Variants in EVI5L observed in about 807,000 individuals in gnomAD.
The protein encoded by EVI5L is EVI5-like protein.
EVI5L carries 30 observed loss-of-function variants against 106.1 expected under a neutral mutation model. That is an observed-to-expected ratio of 0.28 (90% confidence interval 0.21 to 0.38). The LOEUF (loss-of-function observed/expected upper bound fraction) is 0.38. EVI5L is among the 10% of genes least tolerant of loss of function. The pLI, the probability that EVI5L is intolerant of heterozygous loss-of-function variation, is 1.00. For synonymous variants in EVI5L, 489 were observed against 483.3 expected (o/e 1.01, Z -0.15); for missense variants, 809 against 1,098.0 (o/e 0.74, Z 3.72).
chr19:7,846,692 C>T lies in EVI5L; in HGVS notation c.137+13C>T. ...AAGAGCAGAACCGGTGAGTTGGGGG[C>T]TGGGGGATGGGGTGAAATCTTGGGG... On this transcript the variant is annotated intron_variant, in intron 2 of 19. Transcript: ENST00000538904. 3 of 1,609,526 alleles carry T rather than the reference C, an allele frequency of 1.9e-6. No homozygotes were observed. The highest frequency in any genetic ancestry group is 1.7e-5 in the Admixed American group (1 of 59,100).
At position 7,848,711 on chromosome 19, in the gene EVI5L, G is replaced by C. The variant is rs1979082273; in HGVS notation, c.328-210G>C. Among the ~76,000 whole-genome samples the C allele has an allele frequency of 6.6e-6, 1 of 152,198 alleles. No homozygotes were observed. Among genetic ancestry groups the C allele is most frequent in the African/African-American group, 2.4e-5 (1 of 41,450 alleles). On this transcript the variant is annotated intron_variant, in intron 3 of 19. Transcript: ENST00000538904. The surrounding 1 kb of genome is among the most constrained non-coding windows in gnomAD (Gnocchi z 4.8). ...TTGAGCCCAGGAGTTCAAGGCTGCA[G>C]GGAGCTATGATCGCACCACTGCACT...
chr19:7,855,941 A>G, intron 10 of EVI5L, 74 bp from the exon 11 acceptor site: 1 of 1,267,836 alleles, frequency 7.9e-7, no homozygotes, highest in East Asian at 2.8e-5. Context: ...TGACCCCGGC[A>G]GTGGGTAAAT....
At position 7,863,003 on chromosome 19, in the gene EVI5L, G is replaced by A. The variant is rs867700669; in HGVS notation, c.1979G>A (p.Arg660Gln). The change falls in exon 18 of 20, where the codon CGG (arginine) becomes CAG (glutamine). Residue 660 changes from arginine to glutamine, a missense_variant. Transcript: ENST00000538904. This position sits in a 1 kb window ranked among gnomAD's most constrained non-coding sequence, Gnocchi z 7.7. ...SKEEVMAVRL[R>Q]EADSMAAVAE... Reference sequence around the variant, plus strand: ...GAGGAGGTGATGGCTGTGCGACTGCGGGAGGCGGACAGCATGGCTGCGGTG... The same window carrying A: ...GAGGAGGTGATGGCTGTGCGACTGCAGGAGGCGGACAGCATGGCTGCGGTG... 1 of 1,579,866 alleles carries A rather than the reference G, an allele frequency of 6.3e-7. No individual in the cohort carries two copies. The highest frequency in any genetic ancestry group is 8.5e-7 in the Non-Finnish European group (1 of 1,170,960).
In EVI5L at chr19:7,853,068, C is replaced by A. The variant is rs1285061736; in HGVS notation, c.988-18C>A. On this transcript the variant is annotated intron_variant, in intron 8 of 19. Coordinates refer to ENST00000538904, the MANE Select transcript of EVI5L (RefSeq NM_001159944.3). ...GGCCTGCATGTTGGTGACCAGGTGA[C>A]CGGCTGTGTCCCCACAGTACTTCCA... 6.2e-7 allele frequency: 1 copy of A among 1,613,386 alleles called. No individual in the cohort carries two copies. Among genetic ancestry groups the A allele is most frequent in the South Asian group, 1.1e-5 (1 of 91,086 alleles).
intron 1 of EVI5L, among the ~76,000 whole-genome samples, chr19:7,832,452 T>G (rs1978297592): frequency 6.6e-6 from 1 of 152,186 alleles, no homozygotes; most frequent in Non-Finnish European, 1.5e-5. Flanking sequence ...AAAAGCTCAT[T>G]GCGGCTCAGT....
Position 7,856,353 on chromosome 19 carries a change from C to T in EVI5L, c.1200+285C>T, listed in dbSNP as rs554089696. 7.9e-5 allele frequency among the ~76,000 whole-genome samples: 12 copies of T among 152,120 alleles called. No individual in the cohort carries two copies. The highest frequency in any genetic ancestry group is 2.0e-4 in the Admixed American group (3 of 15,276). On this transcript the variant is annotated intron_variant, in intron 11 of 19. Coordinates refer to ENST00000538904, the MANE Select transcript of EVI5L (RefSeq NM_001159944.3). The surrounding 1 kb of genome is among the most constrained non-coding windows in gnomAD (Gnocchi z 6.6). ...TCTGTGCCCTCCCCGGCTGCACAGA[C>T]GGGGAGGGGTGAGGAGGAGGGAGAA...
chr19:7,860,793 C>CATGCACACACAACCATACAT, intron 14 of EVI5L, 104 bp downstream of exon 14: 2 of 1,305,314 alleles, frequency 1.5e-6, no homozygotes, highest in East Asian at 2.6e-5. Context: ...CCCCCACCCC[C>CATGCACACACAACCATACAT]ATGCACACAC....
chr19:7,855,438 G>A (rs1192581043), intron 10 of EVI5L, among the ~76,000 whole-genome samples: 4 of 152,222 alleles, frequency 2.6e-5, no homozygotes, highest in Admixed American at 1.3e-4. Context: ...AGAATGGAAG[G>A]CAGGAGCAAG....
At chr19:7,862,939 C>T (rs1165084629) in intron 17 of EVI5L, 33 bp from the exon 18 acceptor site, 3 of 1,424,896 alleles carry the variant, frequency 2.1e-6, no homozygotes, top group South Asian at 2.5e-5. Flanking sequence ...CCCCCTGACC[C>T]GCCCTCCTTT....
intron 1 of EVI5L, among the ~76,000 whole-genome samples, chr19:7,837,770 C>G (rs1978403839): frequency 6.6e-6 from 1 of 152,020 alleles, no homozygotes; most frequent in South Asian, 2.1e-4. Context: ...GTGGTGCAGT[C>G]TCGGCTCACC....
At chr19:7,861,148 C>T (rs903587410) in intron 14 of EVI5L, among the ~76,000 whole-genome samples, 1 of 152,130 alleles carries the variant, frequency 6.6e-6, no homozygotes, top group Non-Finnish European at 1.5e-5. Flanking sequence ...AGGAAAGCAC[C>T]CAGGGACCCA....
rs190422776 is a variant in EVI5L at position 7,855,337 on chromosome 19, C to T, written c.1147-678C>T. ...GAACTCCTGACCTCAGGTGATTTGC[C>T]TGCCTCGGCCTCCCAAAGTGCTGGG... On this transcript the variant is annotated intron_variant, in intron 10 of 19. Transcript: ENST00000538904. 3.2e-3 allele frequency among the ~76,000 whole-genome samples: 494 copies of T among 152,244 alleles called. 1 individual carries two copies. Among genetic ancestry groups the T allele is most frequent in the African/African-American group, 0.01 (421 of 41,534 alleles).
At position 7,856,523 on chromosome 19, in the gene EVI5L, G is replaced by T. The variant is rs969139891; in HGVS notation, c.1200+455G>T. ...GGTGGGGAGCCACAGCCCGGACTCT[G>T]CTCCCCAACATGCTAAAGATGGGGG... is the stretch of plus-strand genomic sequence containing the variant. On this transcript the variant is annotated intron_variant, in intron 11 of 19. Transcript: ENST00000538904. The surrounding 1 kb of genome is among the most constrained non-coding windows in gnomAD (Gnocchi z 6.6). Among the ~76,000 whole-genome samples, 2 of 151,954 alleles carry T rather than the reference G, an allele frequency of 1.3e-5. No homozygotes were observed. The highest frequency in any genetic ancestry group is 2.4e-5 in the African/African-American group (1 of 41,362).
rs984250165 is a variant in EVI5L, at chr19:7,860,824, A to G, written c.1503+135A>G. On this transcript the variant is annotated intron_variant, in intron 14 of 19. Transcript: ENST00000538904. ...CACACAACCATACATATGCACACAC[A>G]CAGCACAACCCCACGCGGGGCATGC... 29 of 1,076,898 alleles carry G rather than the reference A, an allele frequency of 2.7e-5. 1 individual carries two copies. The South Asian group carries it at 5.0e-4, about 18-fold the overall frequency. The allele number at this position is 1,076,898 out of a possible 1,614,324, so 66.7% of individuals were successfully genotyped here.
intron 1 of EVI5L, among the ~76,000 whole-genome samples, chr19:7,831,230 C>CAT (rs1223735501): frequency 8.6e-5 from 2 of 23,124 alleles, no homozygotes; most frequent in African/African-American, 4.7e-4. Context: ...ACCCCAAACA[C>CAT]ACACACACAC....
chr19:7,836,702 A>C (rs1301715027), intron 1 of EVI5L, among the ~76,000 whole-genome samples: 10 of 151,492 alleles, frequency 6.6e-5, no homozygotes, highest in African/African-American at 2.4e-4. Flanking sequence ...GCAGTGGCGT[A>C]ATTTCAGCTC....
Position 7,858,574 on chromosome 19 carries a change from C to T in EVI5L, c.1374+243C>T. On this transcript the variant is annotated intron_variant, in intron 13 of 19. Coordinates refer to ENST00000538904, the MANE Select transcript of EVI5L (RefSeq NM_001159944.3). The surrounding 1 kb of genome is among the most constrained non-coding windows in gnomAD (Gnocchi z 5.7). ...GTGTCTGCAGTATCTGACTTCCCAA[C>T]CCCCAGCCTCAGCACGGAGGCCTCT... 1 of 561,698 alleles carries T rather than the reference C, an allele frequency of 1.8e-6. No individual in the cohort carries two copies. The highest frequency in any genetic ancestry group is 3.4e-5 in the Admixed American group (1 of 29,134). 34.8% of individuals were successfully genotyped at this position (561,698 alleles called of 1,614,324 possible). A position where few individuals can be genotyped will look rare whatever the true frequency, so the allele number is the denominator to read the frequency against.
At chr19:7,836,165 AG>A (rs1978337031) in intron 1 of EVI5L, among the ~76,000 whole-genome samples, 1 of 152,060 alleles carries the variant, frequency 6.6e-6, no homozygotes, top group Non-Finnish European at 1.5e-5. Flanking sequence ...TGAACCCAGG[AG>A]GCGGAGGTTG....
chr19:7,862,564 G>T lies in EVI5L; in HGVS notation c.1947+30G>T, dbSNP rs1221576999. ...AGACCCCCGCGGCCCCGCCCTGCCC[G>T]TGGCACCGCCCCCGGACGCGCCCCT... is the stretch of plus-strand genomic sequence containing the variant. On this transcript the variant is annotated intron_variant, in intron 17 of 19. Transcript: ENST00000538904. 3.7e-6 allele frequency: 5 copies of T among 1,362,080 alleles called. No homozygotes were observed. In the Admixed American group the frequency reaches 1.5e-4, roughly 40 times the overall value. 84.4% of individuals were successfully genotyped at this position (1,362,080 alleles called of 1,614,324 possible).
Sources: allele counts gnomAD v4.1 joint callset (sites outside exome capture counted in the v4.1 genomes callset), GRCh38; gene constraint gnomAD v4.1.1; non-coding constraint Gnocchi (gnomAD v3.1); transcripts MANE v1.5; gene names NCBI Gene and HGNC (gene_info 2026-07-23, HGNC 2026-07-21).